PTPRA: variants seen among roughly 807,000 people sequenced by gnomAD.
PTPRA encodes receptor-type tyrosine-protein phosphatase alpha.
PTPRA carries 25 observed loss-of-function variants against 104.8 expected under a neutral mutation model. That is an observed-to-expected ratio of 0.24 (90% CI 0.17 to 0.33). PTPRA has a LOEUF of 0.33. PTPRA is among the 10% of genes least tolerant of loss of function. PTPRA has a pLI of 1.00. For missense variants in PTPRA, 765 were observed against 1,015.3 expected (o/e 0.75, Z 3.35); for synonymous variants, 323 against 368.9 (o/e 0.88, Z 1.43).
At position 2,988,365 on chromosome 20, in the gene PTPRA, G is replaced by C; in HGVS notation, c.629G>C (p.Arg210Thr). The change falls in exon 9 of 24, where the codon AGA becomes ACA. Residue 210 changes from arginine to threonine, a missense_variant. Physicochemically the swap from Arg to Thr is moderately conservative, Grantham distance 71 (BLOSUM62 -1). Around this residue, in one of 4 missense-constraint regions of PTPRA, gnomAD observed 245 missense variants for 398.7 expected, o/e 0.61. Transcript: ENST00000399903. ...CCCCAGAGTGTGCCACTTCTGGCCA[G>C]ATCCCCAAGCACCAACAGGAAATAC... ...VEPQSVPLLA[R>T]SPSTNRKYPP... The C allele has an allele frequency of 6.2e-7, 1 of 1,608,320 alleles. No homozygotes were observed. The highest frequency in any genetic ancestry group is 8.5e-7 in the Non-Finnish European group (1 of 1,178,702).
chr20:2,986,110 G>A (rs1052268427), intron 6 of PTPRA, among the ~76,000 whole-genome samples: 1 of 152,018 alleles, frequency 6.6e-6, no homozygotes, highest in African/African-American at 2.4e-5. Context: ...GTTTTACCCT[G>A]TTGCCAGGCT....
chr20:2,943,206 T>TCCCCCCCC (rs147898735), intron 2 of PTPRA, among the ~76,000 whole-genome samples: 4 of 97,140 alleles, frequency 4.1e-5, no homozygotes, highest in South Asian at 4.2e-4. Flanking sequence ...TTGGAACATA[T>TCCCCCCCC]CCCCCCACCC....
intron 1 of PTPRA, among the ~76,000 whole-genome samples, chr20:2,909,221 C>T (rs1031792193): frequency 3.3e-5 from 5 of 152,078 alleles, no homozygotes; most frequent in African/African-American, 7.2e-5. Context: ...TCTGGGAGGT[C>T]GAGGTTGCAG....
At chr20:2,977,678 A>G (rs968624044) in intron 6 of PTPRA, among the ~76,000 whole-genome samples, 6 of 151,670 alleles carry the variant, frequency 4.0e-5, no homozygotes, top group South Asian at 2.1e-4. Context: ...TCATAGTGCC[A>G]TTATTATTAT....
intron 2 of PTPRA, among the ~76,000 whole-genome samples, chr20:2,928,348 T>A (rs1044823021): frequency 2.0e-5 from 3 of 152,086 alleles, no homozygotes; most frequent in African/African-American, 7.2e-5. Flanking sequence ...TGTTAGCTGA[T>A]CTGCCCTCCT....
At chr20:2,905,804 C>G (rs1187867160) in intron 1 of PTPRA, among the ~76,000 whole-genome samples, 3 of 151,112 alleles carry the variant, frequency 2.0e-5, no homozygotes. Context: ...CCTGTCTCAG[C>G]CTGCCGAATA....
At chr20:2,866,429 G>A in the PTPRA span, 1 of 1,614,192 alleles carries the variant, frequency 6.2e-7, no homozygotes, top group African/African-American at 1.3e-5. Flanking sequence ...TCAAACCACA[G>A]CGATGTGGCT....
At chr20:2,979,615 C>T (rs551617175) in intron 6 of PTPRA, among the ~76,000 whole-genome samples, 1 of 152,352 alleles carries the variant, frequency 6.6e-6, no homozygotes, top group Non-Finnish European at 1.5e-5. Flanking sequence ...CAGCCTTGAC[C>T]TCTGGGACTC....
At chr20:2,924,424 A>G (rs773577283) in intron 2 of PTPRA, among the ~76,000 whole-genome samples, 1 of 152,192 alleles carries the variant, frequency 6.6e-6, no homozygotes, top group African/African-American at 2.4e-5. Flanking sequence ...CAAAAAATTG[A>G]CATACACTAT....
intron 5 of PTPRA, among the ~76,000 whole-genome samples, chr20:2,969,978 T>TAATTAATAAATAAATA (rs1555807325): frequency 6.7e-6 from 1 of 149,990 alleles, no homozygotes; most frequent in African/African-American, 2.5e-5. Flanking sequence ...TCTAAATAAA[T>TAATTAATAAATAAATA]AATAAATAAA....
chr20:3,029,819 C>T (rs1259697917), intron 20 of PTPRA, among the ~76,000 whole-genome samples: 2 of 152,082 alleles, frequency 1.3e-5, no homozygotes, highest in Admixed American at 6.6e-5. Context: ...TGAGCCACTG[C>T]GCCCAGTGTC....
At position 2,982,492 on chromosome 20, in the gene PTPRA, G is replaced by A. The variant is rs367984981; in HGVS notation, c.443-4273G>A. On this transcript the variant is annotated intron_variant, in intron 6 of 23. Coordinates refer to ENST00000399903, the MANE Select transcript of PTPRA (RefSeq NM_001385305.1). ...GTAATCCATTGTTTGTTTTGTGCCT[G>A]TTATGTGTGAGACCCTGTGCTAGGT... is the stretch of plus-strand genomic sequence containing the variant. Among the ~76,000 whole-genome samples the A allele has an allele frequency of 1.9e-4, 29 of 152,122 alleles. 1 individual carries two copies. In the East Asian group the frequency reaches 3.9e-3, roughly 20 times the overall value.
chr20:2,941,330 C>G (rs1336215600), intron 2 of PTPRA, among the ~76,000 whole-genome samples: 3 of 152,192 alleles, frequency 2.0e-5, no homozygotes, highest in Admixed American at 2.0e-4. Context: ...TACGCCTTGT[C>G]TCTTTTCCTC....
intron 10 of PTPRA, among the ~76,000 whole-genome samples, chr20:3,006,766 T>G (rs996584419): frequency 6.6e-6 from 1 of 152,194 alleles, no homozygotes; most frequent in Non-Finnish European, 1.5e-5. Context: ...TAGCTGGGAC[T>G]ACCTATAGGC....
Position 2,975,255 on chromosome 20 carries a change from C to A in PTPRA, c.442+14C>A, listed in dbSNP as rs6107215. ...AGGACAGAAGAGGTGAGCTGCTCAC[C>A]TTATATCTGTTGTTCCTTTTACACA... On this transcript the variant is annotated intron_variant, in intron 6 of 23. Coordinates refer to ENST00000399903, the MANE Select transcript of PTPRA (RefSeq NM_001385305.1). The A allele has an allele frequency of 6.3e-7, 1 of 1,587,386 alleles. No individual in the cohort carries two copies. Among genetic ancestry groups the A allele is most frequent in the Non-Finnish European group, 8.6e-7 (1 of 1,158,432 alleles).
chr20:2,896,769 C>A (rs1359526157), intron 1 of PTPRA, among the ~76,000 whole-genome samples: 1 of 152,148 alleles, frequency 6.6e-6, no homozygotes, highest in Non-Finnish European at 1.5e-5. Context: ...CAGAAACCAA[C>A]AAAATTCCCT....
chr20:2,970,552 G>A (rs1436868506), intron 5 of PTPRA, among the ~76,000 whole-genome samples: 1 of 152,090 alleles, frequency 6.6e-6, no homozygotes, highest in African/African-American at 2.4e-5. Context: ...GAGTGTCAAG[G>A]TTTTCCTGAC....
rs1328553883 is a variant in PTPRA, at chr20:2,948,040, G to A, written c.-7+16G>A. 5.8e-6 allele frequency: 6 copies of A among 1,042,234 alleles called. No individual in the cohort carries two copies. The highest frequency in any genetic ancestry group is 6.5e-6 in the Non-Finnish European group (5 of 774,028). The allele number at this position is 1,042,234 out of a possible 1,614,324, so 64.6% of individuals were successfully genotyped here. ...AAAGAAGCTAGTAAGTACTGAAATAGTTTTTTAAGTTTTTTCTACAAGAAT... is the reference window on the plus strand; with the variant it reads ...AAAGAAGCTAGTAAGTACTGAAATAATTTTTTAAGTTTTTTCTACAAGAAT... On this transcript the variant is annotated intron_variant, in intron 3 of 23. Coordinates refer to ENST00000399903, the MANE Select transcript of PTPRA (RefSeq NM_001385305.1).
chr20:2,939,164 A>G (rs1041538548), intron 2 of PTPRA, among the ~76,000 whole-genome samples: 1 of 152,182 alleles, frequency 6.6e-6, no homozygotes, highest in Non-Finnish European at 1.5e-5. Context: ...AGCAGTGTTC[A>G]GTTCTTATGC....
Sources: gnomAD v4.1 joint callset for allele counts (sites outside exome capture counted in the v4.1 genomes callset) on GRCh38, gnomAD v4.1.1 for gene constraint, gnomAD v4.1.1 regional missense constraint, MANE v1.5 for transcripts, NCBI Gene and HGNC (gene_info 2026-07-23, HGNC 2026-07-21) for gene names.